The following MAGI2 variants were observed in gnomAD, a reference collection of about 807,000 sequenced individuals.
The protein encoded by MAGI2 is membrane-associated guanylate kinase, WW and PDZ domain-containing protein 2.
Under a neutral mutation model 133.3 loss-of-function variants are expected in MAGI2, and 35 were observed. The ratio of observed to expected loss-of-function variants is 0.26; its 90% CI spans 0.20 to 0.35. MAGI2 has a LOEUF of 0.35. Among genes scored for constraint, MAGI2 ranks in the 10% least tolerant of loss-of-function variants. The pLI, the probability that MAGI2 is intolerant of heterozygous loss-of-function variation, is 1.00. For synonymous variants in MAGI2, 729 were observed against 710.6 expected (o/e 1.03, Z -0.41); for missense variants, 1,636 against 1,863.4 (o/e 0.88, Z 2.25).
chr7:78,154,688 G>T (rs1357855305), intron 16 of MAGI2, among the ~76,000 whole-genome samples: 2 of 152,190 alleles, frequency 1.3e-5, no homozygotes, highest in East Asian at 3.9e-4. Context: ...GACAGAAAAG[G>T]TGGAGACTTT....
At chr7:78,020,821 TA>T (rs3840615) in intron 21 of MAGI2, among the ~76,000 whole-genome samples, 45,311 of 151,852 alleles carry the variant, frequency 0.3, 8,066 homozygotes, top group East Asian at 0.64. Context: ...TATCATTTTT[TA>T]AAAAAAATCG....
rs1585863785 is a variant in MAGI2 at position 79,406,048 on chromosome 7, T to C, written c.301+46972A>G. The stretch of plus-strand genomic sequence containing the variant: ...GTCTTATGCATTTGACTCTATAGAA[T>C]ACTCGAATAAATATTTAAGAATTTT... On this transcript the variant is annotated intron_variant, in intron 1 of 21. Transcript: ENST00000354212. Among the ~76,000 whole-genome samples the C allele has an allele frequency of 2.6e-5, 4 of 152,010 alleles. No individual in the cohort carries two copies. In the East Asian group the frequency reaches 7.8e-4, roughly 29 times the overall value.
intron 3 of MAGI2, among the ~76,000 whole-genome samples, chr7:78,586,367 C>G (rs986742364): frequency 6.7e-6 from 1 of 150,132 alleles, no homozygotes; most frequent in African/African-American, 2.5e-5. Context: ...CCCCCAAACA[C>G]CCCCACCCAT....
At chr7:79,352,680 G>A (rs1305849228) in intron 1 of MAGI2, among the ~76,000 whole-genome samples, 2 of 152,146 alleles carry the variant, frequency 1.3e-5, no homozygotes, top group Non-Finnish European at 2.9e-5. Context: ...TATTCACAAA[G>A]AAGGTATAGT....
At chr7:78,409,178 T>G (rs1438293661) in intron 6 of MAGI2, among the ~76,000 whole-genome samples, 2 of 152,144 alleles carry the variant, frequency 1.3e-5, no homozygotes, top group Non-Finnish European at 2.9e-5. Flanking sequence ...TACCTATTTA[T>G]ATTCCCAACT....
At chr7:78,690,102 A>C (rs959197809) in intron 2 of MAGI2, among the ~76,000 whole-genome samples, 1 of 152,176 alleles carries the variant, frequency 6.6e-6, no homozygotes, top group African/African-American at 2.4e-5. Context: ...ATTTTCTTAG[A>C]AAAAAATCCC....
intron 3 of MAGI2, chr7:78,617,170 T>C (rs1429157572): frequency 2.6e-5 from 4 of 152,070 alleles, no homozygotes; most frequent in African/African-American, 9.7e-5. Flanking sequence ...GGAAGAAAAG[T>C]AGTCCAGGAA....
intron 1 of MAGI2, among the ~76,000 whole-genome samples, chr7:79,263,716 TGC>T (rs1450949278): frequency 6.6e-6 from 1 of 152,178 alleles, no homozygotes; most frequent in Non-Finnish European, 1.5e-5. Flanking sequence ...TTGAATGGAC[TGC>T]CCAAGAAAAA....
intron 9 of MAGI2, among the ~76,000 whole-genome samples, chr7:78,320,588 A>C (rs571489510): frequency 1.3e-5 from 2 of 152,112 alleles, no homozygotes; most frequent in Admixed American, 6.5e-5. Flanking sequence ...CATGCTAAAA[A>C]CTCTCAATAA....
At chr7:78,862,980 C>A (rs1357459991) in intron 2 of MAGI2, among the ~76,000 whole-genome samples, 1 of 152,206 alleles carries the variant, frequency 6.6e-6, no homozygotes, top group Non-Finnish European at 1.5e-5. Context: ...CTAGAAGTAA[C>A]AAACTGTAAA....
intron 21 of MAGI2, among the ~76,000 whole-genome samples, chr7:78,035,674 A>C (rs1358736044): frequency 6.7e-6 from 1 of 149,622 alleles, no homozygotes; most frequent in Non-Finnish European, 1.5e-5. Flanking sequence ...ACTGGCTTCC[A>C]CTCTTCAGCC....
At chr7:79,324,236 G>A (rs1351539076) in intron 1 of MAGI2, among the ~76,000 whole-genome samples, 3 of 150,750 alleles carry the variant, frequency 2.0e-5, no homozygotes, top group Admixed American at 1.3e-4. Flanking sequence ...TCTCTGTTTT[G>A]TTCCAATTTT....
intron 10 of MAGI2, among the ~76,000 whole-genome samples, chr7:78,226,334 A>G (rs1789383858): frequency 6.6e-6 from 1 of 152,104 alleles, no homozygotes; most frequent in African/African-American, 2.4e-5. Context: ...AAAAAAAAAA[A>G]AAAAGTGGCC....
chr7:78,137,105 A>G (rs1213655254), intron 16 of MAGI2, among the ~76,000 whole-genome samples: 3 of 152,238 alleles, frequency 2.0e-5, no homozygotes, highest in African/African-American at 7.2e-5. Context: ...CTGACTTTAA[A>G]AAAATGATGT....
chr7:79,336,389 T>C (rs934443058), intron 1 of MAGI2, among the ~76,000 whole-genome samples: 11 of 152,048 alleles, frequency 7.2e-5, no homozygotes, highest in African/African-American at 2.2e-4. Context: ...TAGAGTTACT[T>C]ATAAAAATAA....
intron 1 of MAGI2, among the ~76,000 whole-genome samples, chr7:79,261,376 G>A (rs565307673): frequency 2.2e-4 from 33 of 152,300 alleles, no homozygotes; most frequent in African/African-American, 7.2e-4. Flanking sequence ...GCTTGAATCC[G>A]TTTTGCTGCA....
At chr7:78,837,806 T>C (rs1791777241) in intron 2 of MAGI2, among the ~76,000 whole-genome samples, 1 of 152,146 alleles carries the variant, frequency 6.6e-6, no homozygotes, top group Admixed American at 6.5e-5. Flanking sequence ...ACTACCTCTT[T>C]TTATTCGTAC....
At chr7:79,063,985 C>T (rs1407614967) in intron 1 of MAGI2, among the ~76,000 whole-genome samples, 2 of 152,018 alleles carry the variant, frequency 1.3e-5, no homozygotes, top group East Asian at 1.9e-4. Flanking sequence ...ACTTCGTGAA[C>T]GTGTGCTCAA....
At chr7:78,173,506 A>C (rs1044118662) in intron 14 of MAGI2, among the ~76,000 whole-genome samples, 2 of 152,190 alleles carry the variant, frequency 1.3e-5, no homozygotes, top group South Asian at 4.1e-4. Flanking sequence ...GGGTCCAATA[A>C]ATTCAGAATT....
Sources: gnomAD v4.1 joint callset for allele counts (sites outside exome capture counted in the v4.1 genomes callset) on GRCh38, gnomAD v4.1.1 for gene constraint, MANE v1.5 for transcripts, NCBI Gene and HGNC (gene_info 2026-07-23, HGNC 2026-07-21) for gene names.